SNX16: variants seen among roughly 807,000 people sequenced by gnomAD.
SNX16 encodes the protein sorting nexin-16.
In SNX16, 35 loss-of-function variants were observed where a neutral mutation model predicts 36.7. The observed-to-expected ratio is 0.95, with a 90% confidence interval of 0.73 to 1.27. The LOEUF is 1.27. SNX16 is among the 50% of genes most tolerant of loss of function. SNX16 has a pLI of 0.00. For synonymous variants in SNX16, 134 were observed against 132.0 expected (o/e 1.02, Z -0.10); for missense variants, 367 against 393.6 (o/e 0.93, Z 0.57).
chr8:81,811,727 T>C (rs181228635), intron 5 of SNX16, among the ~76,000 whole-genome samples: 9 of 152,180 alleles, frequency 5.9e-5, no homozygotes, highest in African/African-American at 2.2e-4. Flanking sequence ...GTTGCTACAG[T>C]GTATCACCTA....
intron 4 of SNX16, among the ~76,000 whole-genome samples, chr8:81,821,244 G>T (rs968278054): frequency 2.7e-4 from 41 of 151,786 alleles, no homozygotes; most frequent in African/African-American, 9.9e-4. Flanking sequence ...AATTGAGCAA[G>T]ACCATTACCA....
intron 1 of SNX16, among the ~76,000 whole-genome samples, chr8:81,841,266 G>C (rs1376931334): frequency 3.3e-5 from 5 of 151,842 alleles, no homozygotes; most frequent in African/African-American, 1.2e-4. Flanking sequence ...GCTTGAACCC[G>C]GGAGGCGGAG....
chr8:81,841,341 CAAAAAAA>C (rs34609959), intron 1 of SNX16, among the ~76,000 whole-genome samples: 1 of 89,676 alleles, frequency 1.1e-5, no homozygotes, highest in South Asian at 4.3e-4. Context: ...AACTCCGTCT[CAAAAAAA>C]AAAAAAAAAA....
intron 5 of SNX16, 148 bp downstream of exon 5, chr8:81,815,177 T>C (rs1338804687): frequency 4.0e-6 from 2 of 502,730 alleles, no homozygotes; most frequent in Non-Finnish European, 3.3e-6. Flanking sequence ...AAGCAACCTT[T>C]GACTCAAACA....
chr8:81,821,534 CTA>C (rs1381398177), intron 4 of SNX16, among the ~76,000 whole-genome samples: 1 of 151,794 alleles, frequency 6.6e-6, no homozygotes, highest in Non-Finnish European at 1.5e-5. Flanking sequence ...AAGGCTTTCT[CTA>C]TAATTTTGGT....
rs192796837 is a variant in SNX16, at chr8:81,808,773, G to C, written c.682-5545C>G. 1.9e-4 allele frequency: 191 copies of C among 987,404 alleles called. No individual in the cohort carries two copies. The African/African-American group carries it at 2.7e-3, about 14-fold the overall frequency. The allele number at this position is 987,404 out of a possible 1,614,324, so 61.2% of individuals were successfully genotyped here. ...TCAGCAGGAGAGGAGAGCCAGAGAAGTAACAGGGAAGCTACAGGTAACAAC... is the reference window on the plus strand; with the variant it reads ...TCAGCAGGAGAGGAGAGCCAGAGAACTAACAGGGAAGCTACAGGTAACAAC... On this transcript the variant is annotated intron_variant, in intron 5 of 7. Transcript: ENST00000345957.
intron 5 of SNX16, among the ~76,000 whole-genome samples, chr8:81,804,431 C>T (rs930111816): frequency 3.3e-5 from 5 of 151,828 alleles, no homozygotes; most frequent in Non-Finnish European, 5.9e-5. Flanking sequence ...TGTAAACAAT[C>T]GGTTTCCAAT....
At chr8:81,833,636 A>T (rs534616640) in intron 2 of SNX16, among the ~76,000 whole-genome samples, 86 of 152,324 alleles carry the variant, frequency 5.6e-4, no homozygotes, top group African/African-American at 2.0e-3. Context: ...AATATCTACA[A>T]ATAATACATA....
intron 5 of SNX16, among the ~76,000 whole-genome samples, chr8:81,813,063 CA>C (rs1239320838): frequency 6.6e-6 from 1 of 151,768 alleles, no homozygotes; most frequent in East Asian, 1.9e-4. Flanking sequence ...AAACAGAAAA[CA>C]AATTGCAAAA....
chr8:81,807,561 A>G (rs1300389483), intron 5 of SNX16, among the ~76,000 whole-genome samples: 2 of 148,622 alleles, frequency 1.3e-5, no homozygotes, highest in African/African-American at 5.0e-5. Context: ...CTGAATGACC[A>G]TAAACAGACC....
rs1809629076 is a variant in SNX16 at position 81,800,314 on chromosome 8, C to T, written c.*1183G>A. The stretch of plus-strand genomic sequence containing the variant: ...AACAGTGAAAATAGAAAATAAATAA[C>T]TTCATCCTATAAAAATGAAACAAGG... On this transcript the variant is annotated 3_prime_UTR_variant, in exon 8 of 8. Coordinates refer to ENST00000345957, the MANE Select transcript of SNX16 (RefSeq NM_152836.3). 1 of 151,822 alleles carries T rather than the reference C, an allele frequency of 6.6e-6. No individual in the cohort carries two copies. Among genetic ancestry groups the T allele is most frequent in the Non-Finnish European group, 1.5e-5 (1 of 67,738 alleles). 9.4% of individuals were successfully genotyped at this position (151,822 alleles called of 1,614,324 possible).
chr8:81,840,147 T>A, intron 1 of SNX16, 65 bp from the exon 2 acceptor site: 1 of 766,574 alleles, frequency 1.3e-6, no homozygotes, highest in Non-Finnish European at 2.0e-6. Flanking sequence ...AAAAGAAAAG[T>A]ATTCTTTTCA....
At chr8:81,829,136 A>T (rs1811137128) in intron 3 of SNX16, among the ~76,000 whole-genome samples, 1 of 152,190 alleles carries the variant, frequency 6.6e-6, no homozygotes, top group African/African-American at 2.4e-5. Context: ...ACAATATGTT[A>T]AATATGTTTT....
At chr8:81,815,120 T>C (rs555863111) in intron 5 of SNX16, 24 of 303,922 alleles carry the variant, frequency 7.9e-5, no homozygotes, top group African/African-American at 4.1e-4. Flanking sequence ...ATAAGACATA[T>C]ATGAATTTTT....
At chr8:81,810,774 A>G (rs893697893) in intron 5 of SNX16, among the ~76,000 whole-genome samples, 2 of 152,108 alleles carry the variant, frequency 1.3e-5, no homozygotes, top group African/African-American at 4.8e-5. Context: ...TTGGTGTCTA[A>G]TATGTAGAGG....
chr8:81,809,926 T>G (rs2130624794), intron 5 of SNX16, among the ~76,000 whole-genome samples: 1 of 152,266 alleles, frequency 6.6e-6, no homozygotes, highest in East Asian at 1.9e-4. Context: ...AGACTGTCCT[T>G]AGAATAGTCA....
intron 5 of SNX16, chr8:81,808,257 G>A (rs757649801): frequency 6.0e-5 from 71 of 1,188,418 alleles, no homozygotes; most frequent in Middle Eastern, 5.5e-4. Flanking sequence ...TGGATAAGAC[G>A]GTCATTCAGA....
chr8:81,840,176 T>G, intron 1 of SNX16, 94 bp from the exon 2 acceptor site: 1 of 612,892 alleles, frequency 1.6e-6, no homozygotes, highest in South Asian at 3.0e-5. Flanking sequence ...ACACTATTAT[T>G]TTATTTGGAA....
intron 5 of SNX16, among the ~76,000 whole-genome samples, chr8:81,813,659 A>G (rs1278229453): frequency 1.3e-5 from 2 of 152,084 alleles, no homozygotes; most frequent in East Asian, 3.9e-4. Context: ...ACAGACTGCA[A>G]GAAAATATCT....
Sources: allele counts gnomAD v4.1 joint callset (sites outside exome capture counted in the v4.1 genomes callset), GRCh38; gene constraint gnomAD v4.1.1; transcripts MANE v1.5; gene names NCBI Gene and HGNC (gene_info 2026-07-23, HGNC 2026-07-21).